The following AKR1D1 variants were observed in gnomAD, a reference collection of about 807,000 sequenced individuals.
The protein encoded by AKR1D1 is delta(4)-3-ketosteroid 5-beta-reductase.
In AKR1D1, 32 loss-of-function variants were observed where a neutral mutation model predicts 42.6. That is an observed-to-expected ratio of 0.75 (90% CI 0.57 to 1.01). The LOEUF is 1.01. Among genes scored for constraint, AKR1D1 ranks in the 50% least tolerant of loss-of-function variants. The pLI, the probability that AKR1D1 is intolerant of heterozygous loss-of-function variation, is 0.00. For synonymous variants in AKR1D1, 123 were observed against 135.5 expected (o/e 0.91, Z 0.64); for missense variants, 364 against 402.2 (o/e 0.91, Z 0.81).
At chr7:138,078,200 G>A (rs1050513406) in intron 1 of AKR1D1, among the ~76,000 whole-genome samples, 21 of 152,114 alleles carry the variant, frequency 1.4e-4, no homozygotes, top group African/African-American at 3.9e-4. Flanking sequence ...GGGTTCAAGC[G>A]ATCCGCCCGC....
chr7:138,088,201 CT>C (rs1326164017), intron 1 of AKR1D1, among the ~76,000 whole-genome samples: 1 of 152,142 alleles, frequency 6.6e-6, no homozygotes, highest in Non-Finnish European at 1.5e-5. Context: ...CACTTCATTC[CT>C]TTTTATTACT....
intron 4 of AKR1D1, among the ~76,000 whole-genome samples, chr7:138,099,517 A>T (rs568472324): frequency 9.8e-5 from 15 of 152,310 alleles, no homozygotes; most frequent in African/African-American, 3.4e-4. Flanking sequence ...AACACAATGC[A>T]ATTGGTTGGG....
chr7:138,088,670 G>T lies in AKR1D1; in HGVS notation c.163G>T (p.Ala55Ser), dbSNP rs777304335. ...IDTGYRHIDG[A>S]YIYQNEHEVG... ...CACAGGGTACCGACATATTGATGGG[G>T]CCTACATCTACCAAAATGAACACGA... Residue 55 changes from alanine (A) to serine (S), a missense_variant, in exon 2 of 9, where the codon GCC (alanine) becomes TCC (serine). Coordinates refer to ENST00000242375, the MANE Select transcript of AKR1D1 (RefSeq NM_005989.4). 1.2e-6 allele frequency: 2 copies of T among 1,613,972 alleles called. No individual in the cohort carries two copies. Among genetic ancestry groups the T allele is most frequent in the African/African-American group, 2.7e-5 (2 of 74,912 alleles).
chr7:138,081,599 G>A (rs925915761), intron 1 of AKR1D1, among the ~76,000 whole-genome samples: 5 of 121,432 alleles, frequency 4.1e-5, no homozygotes, highest in Non-Finnish European at 6.4e-5. Context: ...GATCGATCTC[G>A]GCTCACCAAA....
chr7:138,097,703 A>C (rs1026101623), intron 3 of AKR1D1, among the ~76,000 whole-genome samples, 163 bp from the exon 4 acceptor site: 5 of 152,222 alleles, frequency 3.3e-5, no homozygotes, highest in Non-Finnish European at 5.9e-5. Context: ...CAGGTGTCTT[A>C]ATCCAGCTGG....
chr7:138,079,785 G>A (rs1280504160), intron 1 of AKR1D1, among the ~76,000 whole-genome samples: 1 of 152,090 alleles, frequency 6.6e-6, no homozygotes, highest in African/African-American at 2.4e-5. Context: ...GCTCATAATG[G>A]GCAGCTCTGG....
chr7:138,100,105 A>AC (rs1794263496), intron 4 of AKR1D1, among the ~76,000 whole-genome samples: 3 of 145,228 alleles, frequency 2.1e-5, no homozygotes, highest in African/African-American at 8.1e-5. Context: ...AAAAAAAAAA[A>AC]AAAAAAAAAA....
intron 4 of AKR1D1, 123 bp downstream of exon 4, chr7:138,098,066 C>T (rs1370007203): frequency 5.0e-6 from 4 of 806,188 alleles, no homozygotes; most frequent in East Asian, 5.0e-5. Context: ...ACAGTCAGAA[C>T]AGGCATTCCT....
chr7:138,117,372 TG>T lies in AKR1D1; in HGVS notation c.*711del, dbSNP rs1285020852. The stretch of plus-strand genomic sequence containing the variant: ...GCTGATCCATACTTACACATCTTAC[TG>T]TCAATCTTGCCTACATTGATTATAG... On this transcript the variant is annotated 3_prime_UTR_variant, in exon 9 of 9. Coordinates refer to ENST00000242375, the MANE Select transcript of AKR1D1 (RefSeq NM_005989.4). 6.6e-6 allele frequency: 1 copy of T among 152,650 alleles called. No individual in the cohort carries two copies. The highest frequency in any genetic ancestry group is 2.4e-5 in the African/African-American group (1 of 41,454). The allele number at this position is 152,650 out of a possible 1,614,324, so 9.5% of individuals were successfully genotyped here.
Position 138,091,774 on chromosome 7 carries a change from G to A in AKR1D1, c.268G>A (p.Ala90Thr). Residue 90 changes from alanine to threonine, a missense_variant, in exon 3 of 9, where the codon GCT (alanine) becomes ACT (threonine). Transcript: ENST00000242375. ...EDIFYCGKLW[A>T]TNHVPEMVRP... Reference sequence around the variant, plus strand: ...CCCTCTTTGATTCTTTCAGCTATGGGCTACAAATCATGTCCCAGAGATGGT... The same window carrying A: ...CCCTCTTTGATTCTTTCAGCTATGGACTACAAATCATGTCCCAGAGATGGT... 2 of 1,610,346 alleles carry A rather than the reference G, an allele frequency of 1.2e-6. No homozygotes were observed. The highest frequency in any genetic ancestry group is 1.7e-6 in the Non-Finnish European group (2 of 1,176,574).
In AKR1D1 at chr7:138,107,471, AAAGG is replaced by A; in HGVS notation, c.747_750del (p.Lys249AsnfsTer47). 1 of 1,614,162 alleles carries A rather than the reference AAAGG, an allele frequency of 6.2e-7. No individual in the cohort carries two copies. Among genetic ancestry groups the A allele is most frequent in the Non-Finnish European group, 8.5e-7 (1 of 1,179,994 alleles). ...GATGCACTTCTAAACTCATTGGGGA[AAAGG>A]TACAATAAGACAGCAGCTCAAATTG... On this transcript the variant is annotated frameshift_variant, in exon 7 of 9. Transcript: ENST00000242375. LOFTEE classifies it high-confidence loss of function.
intron 4 of AKR1D1, among the ~76,000 whole-genome samples, chr7:138,103,455 G>A (rs956456746): frequency 6.6e-6 from 1 of 152,092 alleles, no homozygotes; most frequent in African/African-American, 2.4e-5. Context: ...GTAATAAAGA[G>A]TTAAGAAGAA....
intron 8 of AKR1D1, among the ~76,000 whole-genome samples, chr7:138,116,234 G>A (rs1336464267): frequency 6.6e-6 from 1 of 152,134 alleles, no homozygotes; most frequent in African/African-American, 2.4e-5. Flanking sequence ...GGTAATAAGA[G>A]TTTTGAAGAG....
chr7:138,093,796 A>G (rs57020142), intron 3 of AKR1D1, among the ~76,000 whole-genome samples: 83,261 of 152,100 alleles, frequency 0.55, 23,281 homozygotes, highest in Middle Eastern at 0.61. Context: ...TATACTATAC[A>G]TGATTATGTG....
At position 138,088,588 on chromosome 7, in the gene AKR1D1, T is replaced by C; in HGVS notation, c.94-13T>C. The C allele has an allele frequency of 6.2e-7, 1 of 1,614,102 alleles. No individual in the cohort carries two copies. Among genetic ancestry groups the C allele is most frequent in the Non-Finnish European group, 8.5e-7 (1 of 1,179,962 alleles). On this transcript the variant is annotated splice_polypyrimidine_tract_variant and intron_variant, in intron 1 of 8. Coordinates refer to ENST00000242375, the MANE Select transcript of AKR1D1 (RefSeq NM_005989.4). Reference sequence around the variant, plus strand: ...TTCTCTTTTCCCCAAACCCAACCTCTTTGTCACTTCAGACCCCTAAGGGAG... The same window carrying C: ...TTCTCTTTTCCCCAAACCCAACCTCCTTGTCACTTCAGACCCCTAAGGGAG...
At chr7:138,094,730 T>A (rs1189542821) in intron 3 of AKR1D1, among the ~76,000 whole-genome samples, 1 of 152,158 alleles carries the variant, frequency 6.6e-6, no homozygotes, top group Non-Finnish European at 1.5e-5. Context: ...ATGTTGACCA[T>A]GCTGGTCTGG....
intron 4 of AKR1D1, among the ~76,000 whole-genome samples, chr7:138,101,158 TCCCTCCCTCCC>T (rs1562935731): frequency 6.5e-5 from 4 of 61,520 alleles, no homozygotes; most frequent in African/African-American, 3.0e-4. Context: ...TTTCCCTCCC[TCCCTCCCTCCC>T]TCCCTCCCTC....
Position 138,116,872 on chromosome 7 carries a change from G to C in AKR1D1, c.*210G>C. 1 of 529,364 alleles carries C rather than the reference G, an allele frequency of 1.9e-6. No individual in the cohort carries two copies. Among genetic ancestry groups the C allele is most frequent in the Non-Finnish European group, 3.3e-6 (1 of 304,042 alleles). The allele number at this position is 529,364 out of a possible 1,614,324, so 32.8% of individuals were successfully genotyped here. On this transcript the variant is annotated 3_prime_UTR_variant, in exon 9 of 9. Coordinates refer to ENST00000242375, the MANE Select transcript of AKR1D1 (RefSeq NM_005989.4). The stretch of plus-strand genomic sequence containing the variant: ...TTAAAATCTGTTGAAATAACTCTTA[G>C]GAAATTATCAACTAATTTTTTCAGA...
At chr7:138,091,948 G>T in intron 3 of AKR1D1, 64 bp downstream of exon 3, 1 of 920,664 alleles carries the variant, frequency 1.1e-6, no homozygotes, top group South Asian at 1.3e-5. Context: ...ATAGCTATGT[G>T]CATGAAGCTC....
Sources: allele counts gnomAD v4.1 joint callset (sites outside exome capture counted in the v4.1 genomes callset), GRCh38; gene constraint gnomAD v4.1.1; transcripts MANE v1.5; gene names NCBI Gene and HGNC (gene_info 2026-07-23, HGNC 2026-07-21).